The following TBL1X variants were observed in gnomAD, a reference collection of about 807,000 sequenced individuals.
The protein encoded by TBL1X is transducin beta like 1 X-linked, also known as F-box-like/WD repeat-containing protein TBL1X.
In TBL1X, 10 loss-of-function variants were observed where a neutral mutation model predicts 50.7. The ratio of observed to expected loss-of-function variants is 0.20; its 90% CI spans 0.12 to 0.33. The LOEUF (loss-of-function observed/expected upper bound fraction) is 0.33. Ranked by LOEUF, TBL1X falls within the 10% of genes least tolerant of loss-of-function variation. The probability of loss-of-function intolerance (pLI) is 1.00; values close to 1 mark genes in which losing one functional copy is unlikely to be tolerated. For synonymous variants in TBL1X, 190 were observed against 214.7 expected, an observed-to-expected ratio of 0.88 and a Z score of 1.01; for missense variants, 340 against 504.4, an observed-to-expected ratio of 0.67 and a Z score of 3.12.
At position 9,492,838 on chromosome X, in the gene TBL1X, GGTGTGTGTGTGTGT is replaced by G. The variant is rs774050435; in HGVS notation, c.-200-8895_-200-8882del. Among the ~76,000 whole-genome samples, 56 of 56,967 alleles carry G rather than the reference GGTGTGTGTGTGTGT, an allele frequency of 9.8e-4. 3 individuals are homozygous for G. Among genetic ancestry groups the G allele is most frequent in the Non-Finnish European group, 1.6e-3 (47 of 28,945 alleles). 49.5% of individuals were successfully genotyped at this position (56,967 alleles called of 115,157 possible). ...AATATTGTTGAGATTGGGGCTAGAG[GGTGTGTGTGTGTGT>G]GTGTGTGTGTGTGTGTGTGTGTGTG... On this transcript the variant is annotated intron_variant, in intron 1 of 17. Coordinates refer to ENST00000645353, the MANE Select transcript of TBL1X (RefSeq NM_005647.4).
chrX:9,510,771 T>G (rs2082051528), intron 2 of TBL1X, among the ~76,000 whole-genome samples: 1 of 112,191 alleles, frequency 8.9e-6, no homozygotes, highest in African/African-American at 3.2e-5. Context: ...AGAAAAAGAC[T>G]GAGGTCCGCC....
intron 2 of TBL1X, among the ~76,000 whole-genome samples, chrX:9,594,026 G>T (rs994235101): frequency 2.7e-5 from 3 of 112,380 alleles, no homozygotes; most frequent in Non-Finnish European, 5.6e-5. Context: ...TGCCCCGCTC[G>T]GGGTTACTGG....
chrX:9,591,285 A>G (rs1281952357), intron 2 of TBL1X, among the ~76,000 whole-genome samples: 4 of 111,791 alleles, frequency 3.6e-5, no homozygotes, highest in Non-Finnish European at 7.5e-5. Flanking sequence ...ACATGATGCC[A>G]ATCTGTGATG....
At chrX:9,577,408 G>A (rs190908178) in intron 2 of TBL1X, among the ~76,000 whole-genome samples, 33 of 112,041 alleles carry the variant, frequency 2.9e-4, no homozygotes, top group Admixed American at 1.1e-3. Context: ...GGAAGAGCCG[G>A]CCCCACCTAG....
Position 9,684,138 on chromosome X carries a change from A to G in TBL1X, c.307A>G (p.Ile103Val). 1 of 1,209,798 alleles carries G rather than the reference A, an allele frequency of 8.3e-7. No homozygotes were observed. Among genetic ancestry groups the G allele is most frequent in the Non-Finnish European group, 1.1e-6 (1 of 895,216 alleles). Reference sequence around the variant, plus strand: ...AGTGCCACCGGCCGCCCTCATCTCCATTCTCCAGAAGGGCCTGCAGTATGT... The same window carrying G: ...AGTGCCACCGGCCGCCCTCATCTCCGTTCTCCAGAAGGGCCTGCAGTATGT... ...TLVPPAALIS[I>V]LQKGLQYVEA... Residue 103 changes from isoleucine (I) to valine (V), a missense_variant, in exon 6 of 18, where the codon ATT becomes GTT. This residue lies in a region of TBL1X where 24 missense variants were observed against 44.1 expected (regional missense o/e 0.54). Coordinates refer to ENST00000645353, the MANE Select transcript of TBL1X (RefSeq NM_005647.4).
At chrX:9,553,762 T>C (rs1031131269) in intron 2 of TBL1X, among the ~76,000 whole-genome samples, 1 of 112,163 alleles carries the variant, frequency 8.9e-6, no homozygotes, top group Non-Finnish European at 1.9e-5. Flanking sequence ...TTGAAGAACA[T>C]TGGAAAATAA....
chrX:9,592,395 A>G (rs959432555), intron 2 of TBL1X, among the ~76,000 whole-genome samples: 1 of 111,765 alleles, frequency 8.9e-6, no homozygotes, highest in African/African-American at 3.3e-5. Context: ...TTGGGTCATT[A>G]TTTCTATAGT....
intron 9 of TBL1X, among the ~76,000 whole-genome samples, chrX:9,692,503 G>T (rs1023531078): frequency 2.7e-5 from 3 of 112,339 alleles, no homozygotes; most frequent in Non-Finnish European, 5.6e-5. Flanking sequence ...TGCCTCCTGG[G>T]TTCAAGCGAT....
intron 2 of TBL1X, among the ~76,000 whole-genome samples, chrX:9,576,759 G>GAGTCCA (rs1163321236): frequency 9.3e-6 from 1 of 107,669 alleles, no homozygotes; most frequent in Non-Finnish European, 1.9e-5. Context: ...AGCACTTTGG[G>GAGTCCA]AGTCCAAGGT....
At chrX:9,571,296 T>C (rs1380455123) in intron 2 of TBL1X, among the ~76,000 whole-genome samples, 5 of 112,198 alleles carry the variant, frequency 4.5e-5, no homozygotes, top group African/African-American at 1.6e-4. Flanking sequence ...TATGACCATC[T>C]ATCATAGGCA....
At chrX:9,652,391 A>G (rs1204292290) in intron 3 of TBL1X, among the ~76,000 whole-genome samples, 1 of 111,950 alleles carries the variant, frequency 8.9e-6, no homozygotes, top group Non-Finnish European at 1.9e-5. Context: ...ATTACTTTGA[A>G]TCCTCCCATT....
intron 2 of TBL1X, among the ~76,000 whole-genome samples, chrX:9,632,422 G>A (rs757231672): frequency 9.0e-6 from 1 of 110,890 alleles, no homozygotes; most frequent in East Asian, 2.8e-4. Flanking sequence ...CTGGGACTGC[G>A]GGCGCATGCC....
intron 2 of TBL1X, among the ~76,000 whole-genome samples, chrX:9,620,300 T>C (rs2082660206): frequency 8.9e-6 from 1 of 112,342 alleles, no homozygotes. Context: ...TTCTGAAGTT[T>C]GTATATTTAT....
chrX:9,714,650 C>T (rs2083267447), intron 16 of TBL1X, among the ~76,000 whole-genome samples: 1 of 112,407 alleles, frequency 8.9e-6, no homozygotes, highest in Non-Finnish European at 1.9e-5. Flanking sequence ...CAGTCCTCAG[C>T]TGGGTGCAGC....
intron 2 of TBL1X, among the ~76,000 whole-genome samples, chrX:9,582,126 G>C (rs2082445960): frequency 8.9e-6 from 1 of 112,221 alleles, no homozygotes; most frequent in Non-Finnish European, 1.9e-5. Flanking sequence ...GCAGAGCATG[G>C]CTTCTGTTAC....
chrX:9,667,121 G>T (rs1013005313), intron 5 of TBL1X, among the ~76,000 whole-genome samples: 1 of 111,464 alleles, frequency 9.0e-6, no homozygotes, highest in Non-Finnish European at 1.9e-5. Flanking sequence ...AATTAGCTGG[G>T]CGTGGTGGCG....
intron 2 of TBL1X, among the ~76,000 whole-genome samples, chrX:9,533,462 G>T (rs766077642): frequency 1.1e-4 from 12 of 111,876 alleles, no homozygotes; most frequent in Non-Finnish European, 2.1e-4. Flanking sequence ...CTGATGGTAG[G>T]GAGATAACTT....
intron 5 of TBL1X, among the ~76,000 whole-genome samples, chrX:9,669,547 C>T (rs1481799174): frequency 9.0e-6 from 1 of 111,650 alleles, no homozygotes; most frequent in African/African-American, 3.3e-5. Flanking sequence ...ACAAAGGCTT[C>T]GGAAGCTAGG....
At chrX:9,612,671 T>G (rs776789816) in intron 2 of TBL1X, among the ~76,000 whole-genome samples, 1 of 111,581 alleles carries the variant, frequency 9.0e-6, no homozygotes, top group East Asian at 2.8e-4. Flanking sequence ...TGTTCTTTGG[T>G]CAGTGATGTC....
Sources: gnomAD v4.1 joint callset for allele counts (sites outside exome capture counted in the v4.1 genomes callset) on GRCh38, gnomAD v4.1.1 for gene constraint, gnomAD v4.1.1 regional missense constraint, MANE v1.5 for transcripts, NCBI Gene and HGNC (gene_info 2026-07-23, HGNC 2026-07-21) for gene names.